Variants in MCM9 observed in about 807,000 individuals in gnomAD.
MCM9 encodes the protein DNA helicase MCM9.
A neutral mutation model predicts 72.8 loss-of-function variants in MCM9; 55 were observed. That is an observed-to-expected ratio of 0.76 (90% confidence interval 0.61 to 0.95). MCM9 has a LOEUF of 0.95. MCM9 is among the 40% of genes least tolerant of loss of function. The probability of loss-of-function intolerance (pLI) is 0.00; values close to 1 mark genes in which losing one functional copy is unlikely to be tolerated. For missense variants in MCM9, 1,279 were observed against 1,377.0 expected (o/e 0.93, Z 1.13); for synonymous variants, 480 against 503.4 (o/e 0.95, Z 0.62).
Position 118,922,101 on chromosome 6 carries a change from A to C in MCM9, c.622-15T>G. ...AGCCTTTGAACCTAGCAAAGAAAAG[A>C]AAACAGATTCTGAGTATGCTTAAAT... On this transcript the variant is annotated splice_polypyrimidine_tract_variant and intron_variant, in intron 4 of 13. Coordinates refer to ENST00000619706, the MANE Select transcript of MCM9 (RefSeq NM_017696.3). The C allele has an allele frequency of 6.3e-7, 1 of 1,595,144 alleles. No homozygotes were observed. Among genetic ancestry groups the C allele is most frequent in the South Asian group, 1.1e-5 (1 of 87,568 alleles).
intron 3 of MCM9, among the ~76,000 whole-genome samples, chr6:118,928,166 C>A (rs964862690): frequency 6.6e-6 from 1 of 152,106 alleles, no homozygotes. Context: ...AATCCCAGAA[C>A]TGGGGAGGCT....
chr6:118,927,571 C>T (rs562511440), intron 3 of MCM9, among the ~76,000 whole-genome samples: 1 of 151,712 alleles, frequency 6.6e-6, no homozygotes, highest in South Asian at 2.1e-4. Flanking sequence ...TGCCACTGTA[C>T]TCCAGACTGG....
chr6:118,843,163 G>A (rs1241068301), intron 9 of MCM9, among the ~76,000 whole-genome samples: 1 of 152,100 alleles, frequency 6.6e-6, no homozygotes, highest in African/African-American at 2.4e-5. Flanking sequence ...TAGGGATTAT[G>A]ATATGCCCTT....
chr6:118,906,518 T>C (rs1412090000), intron 8 of MCM9, among the ~76,000 whole-genome samples: 2 of 152,220 alleles, frequency 1.3e-5, no homozygotes, highest in South Asian at 4.1e-4. Context: ...ATGATGATAT[T>C]TTTGTGTGTA....
rs17080673 is a variant in MCM9 at position 118,816,391 on chromosome 6, T to C, written c.1962-97A>G. The C allele has an allele frequency of 2.1e-4, 216 of 1,029,728 alleles. No homozygotes were observed. In the East Asian group the frequency reaches 5.0e-3, roughly 24 times the overall value. The allele number at this position is 1,029,728 out of a possible 1,614,324, so 63.8% of individuals were successfully genotyped here. A position where few individuals can be genotyped will look rare whatever the true frequency, so the allele number is the denominator to read the frequency against. ...AGTCTCTGAGATACCATCTTAAAGA[T>C]TTAAGTCCCACATAATTCCAAGTTA... On this transcript the variant is annotated intron_variant, in intron 13 of 13. Coordinates refer to ENST00000619706, the MANE Select transcript of MCM9 (RefSeq NM_017696.3).
chr6:118,897,943 T>C (rs1779545060), intron 8 of MCM9, among the ~76,000 whole-genome samples: 1 of 152,218 alleles, frequency 6.6e-6, no homozygotes, highest in Non-Finnish European at 1.5e-5. Context: ...AAGTGTTCCC[T>C]GAGTTGCAGC....
At chr6:118,816,335 A>C (rs998268482) in intron 13 of MCM9, 41 bp from the exon 14 acceptor site, 1 of 1,456,690 alleles carries the variant, frequency 6.9e-7, no homozygotes, top group Non-Finnish European at 9.1e-7. Flanking sequence ...CTTGAAGGGA[A>C]GAGAATTTGT....
chr6:118,843,732 A>ATATATGTATGTATATATATATG (rs1775666665), intron 9 of MCM9, among the ~76,000 whole-genome samples: 1 of 135,158 alleles, frequency 7.4e-6, no homozygotes, highest in South Asian at 2.3e-4. Context: ...ATATATATAT[A>ATATATGTATGTATATATATATG]TATATATATG....
intron 11 of MCM9, 45 bp from the exon 12 acceptor site, chr6:118,826,909 A>G: frequency 6.8e-7 from 1 of 1,463,126 alleles, no homozygotes; most frequent in South Asian, 1.2e-5. Context: ...ATTTGAGGTG[A>G]GAAATGTAAT....
rs887451384 is a variant in MCM9 at position 118,814,900 on chromosome 6, G to A, written c.3356C>T (p.Ser1119Phe). Residue 1119 changes from serine (S) to phenylalanine (F), a missense_variant, in exon 14 of 14, where the codon TCC (serine) becomes TTC (phenylalanine). Ser to Phe is a radical substitution (Grantham distance 155, BLOSUM62 -2). Transcript: ENST00000619706. The stretch of plus-strand genomic sequence containing the variant: ...ACCTAGTTCTGGTAAAGTGAAGAGG[G>A]ATTCTTTGGAAACAATCAGTTTCTC... ...STEKLIVSKE[S>F]LFTLPELGDE... 1 of 1,548,628 alleles carries A rather than the reference G, an allele frequency of 6.5e-7. No homozygotes were observed. Among genetic ancestry groups the A allele is most frequent in the African/African-American group, 1.4e-5 (1 of 72,810 alleles).
intron 3 of MCM9, among the ~76,000 whole-genome samples, chr6:118,930,305 G>A (rs1245321304): frequency 3.3e-5 from 5 of 151,934 alleles, no homozygotes; most frequent in East Asian, 1.9e-4. Flanking sequence ...GTAGAGACGG[G>A]GTTTCACCGT....
At chr6:118,908,108 A>G (rs957231701) in intron 8 of MCM9, 1 of 153,562 alleles carries the variant, frequency 6.5e-6, no homozygotes, top group South Asian at 2.0e-4. Flanking sequence ...GAAATCAACT[A>G]TATGCTACCA....
rs147393639 is a variant in MCM9, at chr6:118,902,220, G to A, written c.1150+9430C>T. Among the ~76,000 whole-genome samples the A allele has an allele frequency of 7.6e-3, 1,152 of 152,192 alleles. 8 individuals are homozygous for A. Among genetic ancestry groups the A allele is most frequent in the South Asian group, 0.029 (139 of 4,824 alleles). ...CAGTTATAGATATAGGTCAAATCCC[G>A]ACACCTCTGTATTAGCCATGTGTGG... On this transcript the variant is annotated intron_variant, in intron 8 of 13. Coordinates refer to ENST00000619706, the MANE Select transcript of MCM9 (RefSeq NM_017696.3).
intron 1 of MCM9, 49 bp from the exon 2 acceptor site, chr6:118,932,789 ACT>A (rs1782546645): frequency 6.3e-6 from 1 of 159,586 alleles, no homozygotes; most frequent in African/African-American, 2.4e-5. Flanking sequence ...GTGAAAAAAC[ACT>A]GAGTCTTCAA....
chr6:118,822,987 A>C (rs1255032643), intron 13 of MCM9, among the ~76,000 whole-genome samples: 2 of 152,054 alleles, frequency 1.3e-5, no homozygotes, highest in Non-Finnish European at 2.9e-5. Flanking sequence ...TCCCAAGTCG[A>C]CTTCAGAATG....
chr6:118,897,568 A>T (rs1486066615), intron 8 of MCM9, among the ~76,000 whole-genome samples: 1 of 152,156 alleles, frequency 6.6e-6, no homozygotes, highest in Non-Finnish European at 1.5e-5. Context: ...CATACTTTCC[A>T]CTAGACCACA....
chr6:118,907,608 C>T (rs765606134), intron 8 of MCM9: 7 of 1,612,016 alleles, frequency 4.3e-6, no homozygotes, highest in Admixed American at 1.7e-5. Flanking sequence ...ACATGGACTG[C>T]ATGTGACCAC....
intron 8 of MCM9, among the ~76,000 whole-genome samples, chr6:118,891,156 T>C (rs1359138107): frequency 1.3e-5 from 2 of 152,202 alleles, no homozygotes; most frequent in African/African-American, 4.8e-5. Flanking sequence ...AGCTGCATCT[T>C]GTGTCTTCAG....
chr6:118,934,630 C>T (rs1201615890), intron 1 of MCM9, among the ~76,000 whole-genome samples: 1 of 152,084 alleles, frequency 6.6e-6, no homozygotes, highest in African/African-American at 2.4e-5. Context: ...TCGGCTGCCC[C>T]AGGGGCGCCT....
Sources: allele counts gnomAD v4.1 joint callset (sites outside exome capture counted in the v4.1 genomes callset), GRCh38; gene constraint gnomAD v4.1.1; transcripts MANE v1.5; gene names NCBI Gene and HGNC (gene_info 2026-07-23, HGNC 2026-07-21).